The following RAB2A variants were observed in gnomAD, a reference collection of about 807,000 sequenced individuals.
RAB2A encodes RAB2A, member RAS oncogene family.
In RAB2A, 7 loss-of-function variants were observed where a neutral mutation model predicts 32.5. The observed-to-expected ratio is 0.22, with a 90% CI of 0.12 to 0.40. RAB2A has a LOEUF of 0.40. Among genes scored for constraint, RAB2A ranks in the 10% least tolerant of loss-of-function variants. The pLI, the probability that RAB2A is intolerant of heterozygous loss-of-function variation, is 1.00. For synonymous variants in RAB2A, 79 were observed against 85.2 expected, an observed-to-expected ratio of 0.93 and a Z score of 0.40; for missense variants, 108 against 260.7, an observed-to-expected ratio of 0.41 and a Z score of 4.03.
intron 3 of RAB2A, 127 bp downstream of exon 3, chr8:60,572,240 A>T (rs11987024): frequency 1.6e-6 from 1 of 636,946 alleles, no homozygotes; most frequent in African/African-American, 1.9e-5. Context: ...TGCAGCCATG[A>T]GATGAAATGT....
chr8:60,618,713 A>AT (rs762198409), intron 7 of RAB2A, 65 bp downstream of exon 7: 29 of 572,776 alleles, frequency 5.1e-5, no homozygotes, highest in Non-Finnish European at 7.0e-5. Context: ...ACTATTTTAT[A>AT]TTTTTTATTT....
intron 1 of RAB2A, among the ~76,000 whole-genome samples, chr8:60,533,673 A>G (rs1288506410): frequency 1.3e-5 from 2 of 152,008 alleles, no homozygotes; most frequent in Non-Finnish European, 2.9e-5. Flanking sequence ...CTAAAGAAAT[A>G]TAAGATACTA....
Position 60,572,967 on chromosome 8 carries a change from C to T in RAB2A, c.186+854C>T, listed in dbSNP as rs190955130. Among the ~76,000 whole-genome samples, 221 of 152,266 alleles carry T rather than the reference C, an allele frequency of 1.5e-3. 1 individual carries two copies. Among genetic ancestry groups the T allele is most frequent in the African/African-American group, 5.2e-3 (214 of 41,552 alleles). ...AAACAACTACATTTTTCTAGTGAGACTAGTGATATCTGTCTGCTTAATAGA... is the reference window on the plus strand; with the variant it reads ...AAACAACTACATTTTTCTAGTGAGATTAGTGATATCTGTCTGCTTAATAGA... On this transcript the variant is annotated intron_variant, in intron 3 of 7. Transcript: ENST00000262646.
At chr8:60,540,490 T>C (rs1807623360) in intron 1 of RAB2A, among the ~76,000 whole-genome samples, 1 of 142,758 alleles carries the variant, frequency 7.0e-6, no homozygotes, top group Non-Finnish European at 1.6e-5. Flanking sequence ...TCCCTCCCTT[T>C]CTTCTTTTTG....
intron 5 of RAB2A, among the ~76,000 whole-genome samples, chr8:60,589,311 G>A (rs1803897256): frequency 6.6e-6 from 1 of 152,206 alleles, no homozygotes; most frequent in African/African-American, 2.4e-5. Context: ...ATGATCGTAG[G>A]TGGGTGACCT....
intron 2 of RAB2A, among the ~76,000 whole-genome samples, chr8:60,564,038 C>T (rs1240893164): frequency 6.6e-6 from 1 of 152,222 alleles, no homozygotes; most frequent in Non-Finnish European, 1.5e-5. Context: ...TTCTTGGACA[C>T]TCACATCAAG....
At chr8:60,561,688 C>T (rs767324026) in intron 2 of RAB2A, among the ~76,000 whole-genome samples, 22 of 152,162 alleles carry the variant, frequency 1.4e-4, no homozygotes, top group African/African-American at 1.9e-4. Context: ...TTCCTAGGGA[C>T]GAGAGTTCAT....
At chr8:60,535,691 T>C (rs1328274840) in intron 1 of RAB2A, among the ~76,000 whole-genome samples, 1 of 152,192 alleles carries the variant, frequency 6.6e-6, no homozygotes, top group African/African-American at 2.4e-5. Context: ...AAAATCAAGT[T>C]TGAAAATGGG....
chr8:60,620,620 T>C, intron 7 of RAB2A, 54 bp from the exon 8 acceptor site: 1 of 1,269,438 alleles, frequency 7.9e-7, no homozygotes, highest in South Asian at 1.2e-5. Flanking sequence ...TTTTAAGAAT[T>C]AGTTAAACTA....
At chr8:60,558,335 T>G in intron 1 of RAB2A, 1 of 452,520 alleles carries the variant, frequency 2.2e-6, no homozygotes, top group Non-Finnish European at 4.4e-6. Context: ...GGGGTCAATT[T>G]TAATAGAGTG....
At chr8:60,547,776 G>C (rs1330144732) in intron 1 of RAB2A, among the ~76,000 whole-genome samples, 1 of 129,454 alleles carries the variant, frequency 7.7e-6, no homozygotes, top group East Asian at 2.5e-4. Flanking sequence ...CAGCAGGGGC[G>C]GCCGGGCAGA....
intron 1 of RAB2A, among the ~76,000 whole-genome samples, chr8:60,522,577 T>A (rs1181538280): frequency 2.0e-5 from 3 of 151,862 alleles, no homozygotes; most frequent in Non-Finnish European, 4.4e-5. Context: ...ACAAAAAGAG[T>A]TATTGGGAAG....
At chr8:60,521,705 C>A (rs1482336270) in intron 1 of RAB2A, among the ~76,000 whole-genome samples, 5 of 152,230 alleles carry the variant, frequency 3.3e-5, no homozygotes, top group African/African-American at 1.2e-4. Context: ...ACTGCAACCT[C>A]CACCTCTTAG....
At chr8:60,519,124 C>T (rs1807260816) in intron 1 of RAB2A, among the ~76,000 whole-genome samples, 1 of 126,678 alleles carries the variant, frequency 7.9e-6, no homozygotes, top group Admixed American at 8.6e-5. Flanking sequence ...CTGATACGAC[C>T]TAGTTCAGGA....
intron 6 of RAB2A, among the ~76,000 whole-genome samples, chr8:60,597,097 A>T (rs1427495253): frequency 6.6e-6 from 1 of 152,224 alleles, no homozygotes; most frequent in Non-Finnish European, 1.5e-5. Flanking sequence ...ATTACTGAGT[A>T]TATACCAAAA....
chr8:60,533,135 C>T (rs1026653331), intron 1 of RAB2A, among the ~76,000 whole-genome samples: 3 of 152,212 alleles, frequency 2.0e-5, no homozygotes, highest in African/African-American at 4.8e-5. Context: ...AATATCCACA[C>T]ATGTCTAAAA....
chr8:60,542,538 A>G (rs73259425), intron 1 of RAB2A, among the ~76,000 whole-genome samples: 12,448 of 152,118 alleles, frequency 0.082, 1,548 homozygotes, highest in African/African-American at 0.27. Flanking sequence ...AACACTTAAT[A>G]AATGTATGCA....
At chr8:60,618,506 T>G (rs568729113) in intron 6 of RAB2A, 74 bp from the exon 7 acceptor site, 2 of 726,790 alleles carry the variant, frequency 2.8e-6, no homozygotes, top group East Asian at 9.2e-5. Context: ...TGTTATGATA[T>G]TCTATAGAGC....
At chr8:60,568,494 C>T (rs974610377) in intron 2 of RAB2A, among the ~76,000 whole-genome samples, 3 of 151,974 alleles carry the variant, frequency 2.0e-5, no homozygotes, top group African/African-American at 7.3e-5. Context: ...ATGTAATCAT[C>T]CTTTTAATCT....
Sources: gnomAD v4.1 joint callset for allele counts (sites outside exome capture counted in the v4.1 genomes callset) on GRCh38, gnomAD v4.1.1 for gene constraint, MANE v1.5 for transcripts, NCBI Gene and HGNC (gene_info 2026-07-23, HGNC 2026-07-21) for gene names.